CELF2: variants seen among roughly 807,000 people sequenced by gnomAD.
The protein encoded by CELF2 is CUGBP Elav-like family member 2.
CELF2 carries 8 observed loss-of-function variants against 62.6 expected under a neutral mutation model. The ratio of observed to expected loss-of-function variants is 0.13; its 90% CI spans 0.07 to 0.23. The LOEUF is 0.23. Ranked by LOEUF, CELF2 falls within the 10% of genes least tolerant of loss-of-function variation. The pLI is 1.00. For missense variants in CELF2, 333 were observed against 671.0 expected (o/e 0.50, Z 5.56); for synonymous variants, 258 against 250.0 (o/e 1.03, Z -0.30).
At chr10:10,883,563 C>T (rs1283623972) in intron 1 of CELF2, among the ~76,000 whole-genome samples, 2 of 152,056 alleles carry the variant, frequency 1.3e-5, no homozygotes, top group African/African-American at 4.8e-5. Context: ...TTTTTAGGCT[C>T]TGGGGAGTGT....
At chr10:11,320,920 C>T in intron 10 of CELF2, 1 of 1,548,354 alleles carries the variant, frequency 6.5e-7, no homozygotes, top group Non-Finnish European at 8.7e-7. Context: ...TAGCACGCTG[C>T]ATGGCATTGA....
intron 1 of CELF2, among the ~76,000 whole-genome samples, chr10:11,038,363 G>A (rs141766133): frequency 7.9e-5 from 12 of 152,260 alleles, no homozygotes; most frequent in East Asian, 1.9e-4. Flanking sequence ...AGTGGTTTGC[G>A]CTGCATTATA....
At chr10:10,621,077 AAATAAT>A in the CELF2 span, among the ~76,000 whole-genome samples, 449 of 148,956 alleles carry the variant, frequency 3.0e-3, 8 homozygotes, top group South Asian at 0.029. Flanking sequence ...AAAAAATAAA[AAATAAT>A]AATAATAATA....
chr10:11,302,344 C>T lies in CELF2; in HGVS notation c.977-11795C>T, dbSNP rs997295852. On this transcript the variant is annotated intron_variant, in intron 9 of 12. Coordinates refer to ENST00000633077, the MANE Select transcript of CELF2 (RefSeq NM_001326342.2). The surrounding 1 kb of genome is among the most constrained non-coding windows in gnomAD (Gnocchi z 5.0). ...TAATGTTTGCATGCAAAAGCAGCGC[C>T]GAGGGCTGGTTCAACTCAGATGCCC... Among the ~76,000 whole-genome samples, 8 of 152,310 alleles carry T rather than the reference C, an allele frequency of 5.3e-5. No homozygotes were observed. The highest frequency in any genetic ancestry group is 9.6e-5 in the African/African-American group (4 of 41,572).
chr10:11,063,961 T>C (rs1206977314), intron 1 of CELF2, among the ~76,000 whole-genome samples: 2 of 152,200 alleles, frequency 1.3e-5, no homozygotes, highest in East Asian at 3.8e-4. Context: ...TCCTGGAGTG[T>C]GCTGTTTATC....
At chr10:10,843,674 T>A (rs1276231263) in intron 1 of CELF2, among the ~76,000 whole-genome samples, 1 of 152,068 alleles carries the variant, frequency 6.6e-6, no homozygotes, top group East Asian at 1.9e-4. Context: ...TATATTCAGT[T>A]ACATAAAGTT....
intron 2 of CELF2, among the ~76,000 whole-genome samples, chr10:11,185,916 T>A (rs578242295): frequency 6.6e-6 from 1 of 152,252 alleles, no homozygotes; most frequent in East Asian, 1.9e-4. Context: ...AAAGTTGTAT[T>A]ATTTCTTTAG....
the CELF2 span, among the ~76,000 whole-genome samples, chr10:10,524,084 C>T: frequency 6.6e-6 from 1 of 152,136 alleles, no homozygotes; most frequent in African/African-American, 2.4e-5. Context: ...TGTGTGCCCC[C>T]ACTTAGTAGG....
chr10:10,857,317 G>C (rs773767790), intron 1 of CELF2, among the ~76,000 whole-genome samples: 1 of 151,958 alleles, frequency 6.6e-6, no homozygotes, highest in African/African-American at 2.4e-5. Context: ...TTTCCAACCA[G>C]ATGCAGTGAA....
At chr10:10,877,027 C>T (rs1240020864) in intron 1 of CELF2, among the ~76,000 whole-genome samples, 1 of 152,182 alleles carries the variant, frequency 6.6e-6, no homozygotes, top group Non-Finnish European at 1.5e-5. Context: ...GCAGTGTTAG[C>T]GTCCTTCTAC....
chr10:11,247,329 A>C lies in CELF2; in HGVS notation c.355-1824A>C, dbSNP rs959306191. Among the ~76,000 whole-genome samples, 13 of 152,234 alleles carry C rather than the reference A, an allele frequency of 8.5e-5. No homozygotes were observed. The highest frequency in any genetic ancestry group is 7.2e-4 in the Admixed American group (11 of 15,304). The stretch of plus-strand genomic sequence containing the variant: ...GCTCACACTGGGAGCTCCCTGTGAG[A>C]GGGAACTGTCACCCTTCCACTTCCT... On this transcript the variant is annotated intron_variant, in intron 3 of 12. Transcript: ENST00000633077. The surrounding 1 kb of genome is among the most constrained non-coding windows in gnomAD (Gnocchi z 5.4).
chr10:10,798,722 C>G (rs1215911730), exon 1 of CELF2: 11 of 398,680 alleles, frequency 2.8e-5, no homozygotes, highest in Non-Finnish European at 4.4e-5. Context: ...ACCCCATCCC[C>G]GCCTCCTCCT....
At chr10:10,680,598 T>C in the CELF2 span, among the ~76,000 whole-genome samples, 2 of 152,210 alleles carry the variant, frequency 1.3e-5, no homozygotes, top group African/African-American at 4.8e-5. Flanking sequence ...ATAAACACGT[T>C]GACTATATGC....
At chr10:11,194,868 C>G (rs2057013953) in intron 2 of CELF2, among the ~76,000 whole-genome samples, 2 of 152,154 alleles carry the variant, frequency 1.3e-5, no homozygotes, top group Admixed American at 1.3e-4. Context: ...TTTATAGTAC[C>G]ATCTGGGTTA....
chr10:10,476,468 A>T, the CELF2 span, among the ~76,000 whole-genome samples: 1 of 152,306 alleles, frequency 6.6e-6, no homozygotes, highest in East Asian at 1.9e-4. Context: ...TCCAAAAATC[A>T]GGAAGGGAGG....
the CELF2 span, among the ~76,000 whole-genome samples, chr10:10,561,307 A>G: frequency 6.6e-6 from 1 of 152,178 alleles, no homozygotes; most frequent in Non-Finnish European, 1.5e-5. Context: ...ACTAGTGGAT[A>G]TGACTGCTGA....
intron 1 of CELF2, among the ~76,000 whole-genome samples, chr10:11,083,075 C>T (rs895574270): frequency 1.4e-4 from 22 of 152,334 alleles, no homozygotes; most frequent in African/African-American, 5.3e-4. Flanking sequence ...AACCCTGGGT[C>T]CCATCCCAGG....
rs2095997055 is a variant in CELF2, at chr10:11,330,789, G to A, written c.*1736G>A. 6.6e-6 allele frequency: 1 copy of A among 152,344 alleles called. No homozygotes were observed. The highest frequency in any genetic ancestry group is 2.4e-5 in the African/African-American group (1 of 41,328). 9.4% of individuals were successfully genotyped at this position (152,344 alleles called of 1,614,324 possible). ...AAACAGACTTGAAAGTATTATACAG[G>A]GATTGGCATTCTTCCCGGTCACTGG... On this transcript the variant is annotated 3_prime_UTR_variant, in exon 13 of 13. Transcript: ENST00000633077. This position sits in a 1 kb window ranked among gnomAD's most constrained non-coding sequence, Gnocchi z 4.5.
chr10:11,163,571 T>C (rs1360133279), intron 1 of CELF2, among the ~76,000 whole-genome samples: 1 of 152,222 alleles, frequency 6.6e-6, no homozygotes, highest in Non-Finnish European at 1.5e-5. Flanking sequence ...AAGGATTACA[T>C]TACACCAAAA....
Sources: allele counts gnomAD v4.1 joint callset (sites outside exome capture counted in the v4.1 genomes callset), GRCh38; gene constraint gnomAD v4.1.1; non-coding constraint Gnocchi (gnomAD v3.1); transcripts MANE v1.5; gene names NCBI Gene and HGNC (gene_info 2026-07-23, HGNC 2026-07-21).